The following CERS6 variants were observed in gnomAD, a reference collection of about 807,000 sequenced individuals.
The protein encoded by CERS6 is LAG1 homolog, ceramide synthase 6.
CERS6 carries 26 observed loss-of-function variants against 56.8 expected under a neutral mutation model. The observed-to-expected ratio is 0.46, with a 90% confidence interval of 0.34 to 0.63. The LOEUF (loss-of-function observed/expected upper bound fraction) is 0.63. Among genes scored for constraint, CERS6 ranks in the 30% least tolerant of loss-of-function variants. The pLI is 0.01. For synonymous variants in CERS6, 164 were observed against 173.3 expected, an observed-to-expected ratio of 0.95 and a Z score of 0.42; for missense variants, 415 against 467.5, an observed-to-expected ratio of 0.89 and a Z score of 1.04.
At chr2:168,564,165 C>G (rs1007690362) in intron 3 of CERS6, among the ~76,000 whole-genome samples, 5 of 152,158 alleles carry the variant, frequency 3.3e-5, no homozygotes, top group Non-Finnish European at 7.4e-5. Context: ...AAAATCATTT[C>G]CTCTCACCAG....
chr2:168,485,200 A>C (rs1694254438), intron 1 of CERS6, among the ~76,000 whole-genome samples: 1 of 150,932 alleles, frequency 6.6e-6, no homozygotes, highest in East Asian at 1.9e-4. Flanking sequence ...TTAATAGATT[A>C]TTGTTTTAAT....
At chr2:168,655,121 CGACATAT>C (rs1449259594) in intron 4 of CERS6, among the ~76,000 whole-genome samples, 1 of 151,964 alleles carries the variant, frequency 6.6e-6, no homozygotes, top group Non-Finnish European at 1.5e-5. Flanking sequence ...AATGGCCAAC[CGACATAT>C]GAGAAGGTGC....
intron 8 of CERS6, among the ~76,000 whole-genome samples, chr2:168,743,248 A>G (rs1353507352): frequency 4.1e-4 from 52 of 128,338 alleles, no homozygotes; most frequent in South Asian, 1.3e-3. Flanking sequence ...GTGTGTGTAT[A>G]TATATATACA....
intron 1 of CERS6, among the ~76,000 whole-genome samples, chr2:168,530,599 A>G (rs1259247842): frequency 6.6e-6 from 1 of 152,236 alleles, no homozygotes; most frequent in African/African-American, 2.4e-5. Context: ...TTTGAATTTT[A>G]TGAGCTTCAT....
intron 3 of CERS6, among the ~76,000 whole-genome samples, chr2:168,607,091 A>G (rs1006985825): frequency 5.9e-5 from 9 of 152,192 alleles, no homozygotes; most frequent in Admixed American, 5.2e-4. Context: ...AGAATGGACT[A>G]TTACAATGGG....
intron 8 of CERS6, among the ~76,000 whole-genome samples, chr2:168,730,119 CAA>C (rs1367656782): frequency 6.6e-6 from 1 of 152,170 alleles, no homozygotes; most frequent in Admixed American, 6.5e-5. Context: ...AGAAGACAGA[CAA>C]GAGTGACTTA....
At chr2:168,691,410 T>G (rs1207749403) in intron 5 of CERS6, among the ~76,000 whole-genome samples, 1 of 152,162 alleles carries the variant, frequency 6.6e-6, no homozygotes, top group Non-Finnish European at 1.5e-5. Context: ...AAGTCTGGAA[T>G]CCTGTTGACA....
chr2:168,671,319 A>C (rs2105339348), intron 4 of CERS6, among the ~76,000 whole-genome samples: 1 of 152,280 alleles, frequency 6.6e-6, no homozygotes, highest in South Asian at 2.1e-4. Context: ...TAATTGTGCC[A>C]GCGTTCAGTT....
rs1209858415 is a variant in CERS6 at position 168,598,395 on chromosome 2, C to CT, written c.408-32580dup. ...GCATAGTAATTAACCAGAGAGTTTTCTTTTTTTTTTCTTTTCCACATCTAC... is the reference window on the plus strand; with the variant it reads ...GCATAGTAATTAACCAGAGAGTTTTCTTTTTTTTTTTCTTTTCCACATCTAC... On this transcript the variant is annotated intron_variant, in intron 3 of 9. Transcript: ENST00000305747. Among the ~76,000 whole-genome samples, 435 of 147,302 alleles carry CT rather than the reference C, an allele frequency of 3.0e-3. 3 individuals are homozygous for CT. Among genetic ancestry groups the CT allele is most frequent in the African/African-American group, 9.7e-3 (392 of 40,206 alleles).
intron 3 of CERS6, among the ~76,000 whole-genome samples, chr2:168,625,208 A>T (rs1198166790): frequency 2.6e-5 from 4 of 152,290 alleles, no homozygotes; most frequent in Admixed American, 1.3e-4. Context: ...CCATATACTG[A>T]TGTTTTGGTG....
At chr2:168,722,417 C>T (rs1055569187) in intron 8 of CERS6, among the ~76,000 whole-genome samples, 1 of 151,848 alleles carries the variant, frequency 6.6e-6, no homozygotes, top group Admixed American at 6.6e-5. Context: ...AGTTTTAACT[C>T]TTCCATTTAG....
At chr2:168,627,112 A>G in intron 3 of CERS6, among the ~76,000 whole-genome samples, 1 of 152,336 alleles carries the variant, frequency 6.6e-6, no homozygotes, top group African/African-American at 2.4e-5. Context: ...TTCTGTTATC[A>G]AAAGAAGTCT....
chr2:168,654,317 G>C (rs1464386537), intron 4 of CERS6, among the ~76,000 whole-genome samples: 2 of 152,132 alleles, frequency 1.3e-5, no homozygotes, highest in Non-Finnish European at 2.9e-5. Flanking sequence ...GGGAGGCCGA[G>C]GTAGGTGGAT....
chr2:168,734,418 C>T (rs1042821755), intron 8 of CERS6, among the ~76,000 whole-genome samples: 11 of 152,150 alleles, frequency 7.2e-5, no homozygotes, highest in Non-Finnish European at 1.0e-4. Flanking sequence ...GAGATCTGAG[C>T]GGCACATGTC....
chr2:168,493,426 T>G (rs1039420785), intron 1 of CERS6, among the ~76,000 whole-genome samples: 32 of 152,006 alleles, frequency 2.1e-4, no homozygotes, highest in African/African-American at 7.2e-4. Context: ...AGCCCAGGGT[T>G]GAAGAGCTAA....
intron 3 of CERS6, among the ~76,000 whole-genome samples, chr2:168,618,199 C>G (rs1469085819): frequency 1.3e-5 from 2 of 152,024 alleles, no homozygotes; most frequent in African/African-American, 4.8e-5. Flanking sequence ...TGTTTAAAAC[C>G]CTTAGCAAAA....
chr2:168,673,790 A>G (rs78394562), intron 4 of CERS6, among the ~76,000 whole-genome samples: 3,001 of 152,284 alleles, frequency 0.02, 109 homozygotes, highest in African/African-American at 0.068. Flanking sequence ...GGAGGTGTTC[A>G]CTGCTTAAAT....
intron 3 of CERS6, among the ~76,000 whole-genome samples, chr2:168,597,077 C>T (rs1183749223): frequency 2.0e-5 from 3 of 152,156 alleles, no homozygotes; most frequent in Non-Finnish European, 4.4e-5. Context: ...CACTTTCACA[C>T]TGCTATGAGT....
At chr2:168,527,056 C>T (rs1269722136) in intron 1 of CERS6, among the ~76,000 whole-genome samples, 2 of 152,190 alleles carry the variant, frequency 1.3e-5, no homozygotes, top group African/African-American at 4.8e-5. Flanking sequence ...CATGTTTCTC[C>T]TTTGCCGGCT....
Sources: gnomAD v4.1 joint callset for allele counts (sites outside exome capture counted in the v4.1 genomes callset) on GRCh38, gnomAD v4.1.1 for gene constraint, MANE v1.5 for transcripts, NCBI Gene and HGNC (gene_info 2026-07-23, HGNC 2026-07-21) for gene names.